The following TRIP11 variants were observed in gnomAD, a reference collection of about 807,000 sequenced individuals.
TRIP11 encodes the protein thyroid receptor-interacting protein 11.
A neutral mutation model predicts 223.1 loss-of-function variants in TRIP11; 148 were observed. That is an observed-to-expected ratio of 0.66 (90% CI 0.58 to 0.76). The LOEUF (loss-of-function observed/expected upper bound fraction) is 0.76, where lower values mean the gene tolerates loss of function less well. Ranked by LOEUF, TRIP11 falls within the 30% of genes least tolerant of loss-of-function variation. TRIP11 has a pLI of 0.00. For missense variants in TRIP11, 2,043 were observed against 2,222.0 expected (o/e 0.92, Z 1.62); for synonymous variants, 762 against 772.6 (o/e 0.99, Z 0.23).
chr14:91,999,474 T>C, intron 12 of TRIP11, 41 bp from the exon 13 acceptor site: 2 of 1,587,896 alleles, frequency 1.3e-6, no homozygotes, highest in Non-Finnish European at 1.7e-6. Flanking sequence ...AAATGCTCCC[T>C]TTCCACTGCT....
chr14:92,022,126 G>A (rs1453910562), intron 3 of TRIP11, among the ~76,000 whole-genome samples: 1 of 152,182 alleles, frequency 6.6e-6, no homozygotes, highest in Non-Finnish European at 1.5e-5. Flanking sequence ...TTCTCTGCAT[G>A]GAGTAGTATA....
At position 91,997,965 on chromosome 14, in the gene TRIP11, A is replaced by G. The variant is rs1566854823; in HGVS notation, c.4892+1275T>C. Among the ~76,000 whole-genome samples, 3 of 152,336 alleles carry G rather than the reference A, an allele frequency of 2.0e-5. No individual in the cohort carries two copies. The East Asian group carries it at 5.8e-4, about 29-fold the overall frequency. Reference sequence around the variant, plus strand: ...ACAGAATGTTACAGCATTTCTGCCAAACTGAAACATATAGCCAAATGATCA... The same window carrying G: ...ACAGAATGTTACAGCATTTCTGCCAGACTGAAACATATAGCCAAATGATCA... On this transcript the variant is annotated intron_variant, in intron 13 of 20. Transcript: ENST00000267622.
intron 11 of TRIP11, 105 bp from the exon 12 acceptor site, chr14:92,000,213 G>C: frequency 6.6e-7 from 1 of 1,523,696 alleles, no homozygotes; most frequent in Non-Finnish European, 8.9e-7. Context: ...TTTTAAATAG[G>C]GCAGCCTCCC....
intron 16 of TRIP11, among the ~76,000 whole-genome samples, chr14:91,981,096 A>C (rs112036849): frequency 0.03 from 4,101 of 137,756 alleles, 200 homozygotes; most frequent in African/African-American, 0.097. Context: ...GCTCACTGCA[A>C]CCTCCACCTC....
intron 1 of TRIP11, among the ~76,000 whole-genome samples, chr14:92,035,585 A>ATTTTT (rs550426136): frequency 6.9e-4 from 95 of 138,000 alleles, no homozygotes; most frequent in African/African-American, 2.3e-3. Context: ...TTATTTATTT[A>ATTTTT]TTTTTTTTTT....
At position 91,999,396 on chromosome 14, in the gene TRIP11, T is replaced by G; in HGVS notation, c.4736A>C (p.Gln1579Pro). The change falls in exon 13 of 21, where the codon CAA (glutamine) becomes CCA (proline). Residue 1579 changes from glutamine to proline, a missense_variant. By Grantham distance (76) the Gln-to-Pro change is moderately conservative. Coordinates refer to ENST00000267622, the MANE Select transcript of TRIP11 (RefSeq NM_004239.4). Reference sequence around the variant, plus strand: ...ATGATTACGCAATCTCTCTAGCTCTTGGTTTGAACGAAATTCTTTGTCACG... The same window carrying G: ...ATGATTACGCAATCTCTCTAGCTCTGGGTTTGAACGAAATTCTTTGTCACG... ...RLRDKEFRSNQELERLRNHLL... is the reference protein window; with the variant it reads ...RLRDKEFRSNPELERLRNHLL... The G allele has an allele frequency of 6.2e-7, 1 of 1,613,880 alleles. No homozygotes were observed. Among genetic ancestry groups the G allele is most frequent in the Non-Finnish European group, 8.5e-7 (1 of 1,179,900 alleles).
At chr14:91,995,583 C>T (rs2056740250) in intron 13 of TRIP11, 68 bp from the exon 14 acceptor site, 1 of 1,499,594 alleles carries the variant, frequency 6.7e-7, no homozygotes, top group Non-Finnish European at 9.3e-7. Context: ...AAGAAGCCAC[C>T]TTCCCTACAT....
At chr14:92,025,170 A>T in intron 3 of TRIP11, 140 bp downstream of exon 3, 1 of 689,924 alleles carries the variant, frequency 1.4e-6, no homozygotes, top group South Asian at 1.8e-5. Flanking sequence ...GGGATATCAA[A>T]CTGAGTCGAA....
rs200611568 is a variant in TRIP11, at chr14:92,005,727, C to T, written c.2249G>A (p.Arg750His). Residue 750 changes from arginine (R) to histidine (H), a missense_variant, in exon 11 of 21, where the codon CGT (arginine) becomes CAT (histidine). Arg to His is a conservative substitution (Grantham distance 29). Transcript: ENST00000267622. The stretch of plus-strand genomic sequence containing the variant: ...CTGTAAGGCAGAGGTATTCAAATTA[C>T]GTGCATTTGACAGTTCTTCAATGGT... ...EKTIEELSNA[R>H]NLNTSALQLE... The T allele has an allele frequency of 3.1e-5, 50 of 1,613,848 alleles. No homozygotes were observed. Among genetic ancestry groups the T allele is most frequent in the South Asian group, 1.3e-4 (12 of 91,088 alleles).
At chr14:92,032,698 T>C (rs981320260) in intron 2 of TRIP11, among the ~76,000 whole-genome samples, 3 of 151,934 alleles carry the variant, frequency 2.0e-5, no homozygotes, top group African/African-American at 7.2e-5. Flanking sequence ...CTGGGTGTGG[T>C]AGCGTGCACC....
chr14:92,031,902 T>C (rs921749078), intron 2 of TRIP11, among the ~76,000 whole-genome samples: 8 of 152,062 alleles, frequency 5.3e-5, no homozygotes, highest in African/African-American at 1.9e-4. Flanking sequence ...AGCCTTGACT[T>C]CCTGGGCCCT....
At position 92,005,505 on chromosome 14, in the gene TRIP11, CTTCT is replaced by C. The variant is rs764561670; in HGVS notation, c.2467_2470del (p.Arg823ValfsTer15). The stretch of plus-strand genomic sequence containing the variant: ...ATCCAATTCCTCCTGCAGCTTTGAA[CTTCT>C]TTCTTTAAGCTTTTCAATAAAAATT... On this transcript the variant is annotated frameshift_variant, in exon 11 of 21. Coordinates refer to ENST00000267622, the MANE Select transcript of TRIP11 (RefSeq NM_004239.4). LOFTEE classifies it high-confidence loss of function. The C allele has an allele frequency of 1.9e-5, 31 of 1,613,466 alleles. No individual in the cohort carries two copies. Among genetic ancestry groups the C allele is most frequent in the Middle Eastern group, 1.7e-4 (1 of 6,058 alleles).
intron 2 of TRIP11, among the ~76,000 whole-genome samples, chr14:92,030,087 C>T (rs1362100804): frequency 2.0e-5 from 3 of 150,176 alleles, no homozygotes; most frequent in Admixed American, 6.7e-5. Flanking sequence ...GTCCCAGCTA[C>T]TTGGGAGGCT....
At chr14:92,002,111 A>C (rs1174229638) in intron 11 of TRIP11, among the ~76,000 whole-genome samples, 3 of 152,192 alleles carry the variant, frequency 2.0e-5, no homozygotes, top group African/African-American at 7.2e-5. Context: ...TACTAAAAGC[A>C]TAGAAATCAC....
In TRIP11 at chr14:92,004,493, A is replaced by T. The variant is rs765107078; in HGVS notation, c.3483T>A (p.Asn1161Lys). 2 of 1,613,408 alleles carry T rather than the reference A, an allele frequency of 1.2e-6. No individual in the cohort carries two copies. The highest frequency in any genetic ancestry group is 1.7e-6 in the Non-Finnish European group (2 of 1,180,030). ...CTTTTTCTCGAATGATACGTGATAA[A>T]TTCTGAATAGTTTCTCTAAACATAT... ...GQDMFRETIQ[N>K]LSRIIREKDI... Residue 1161 changes from asparagine (N) to lysine (K), a missense_variant, in exon 11 of 21, where the codon AAT becomes AAA. Asn to Lys is a moderately conservative substitution (Grantham distance 94). Coordinates refer to ENST00000267622, the MANE Select transcript of TRIP11 (RefSeq NM_004239.4).
At chr14:91,974,123 C>T (rs753682208) in intron 19 of TRIP11, among the ~76,000 whole-genome samples, 16 of 152,232 alleles carry the variant, frequency 1.1e-4, no homozygotes, top group Non-Finnish European at 1.9e-4. Context: ...GAGCCTACAA[C>T]ATACCAGGCA....
chr14:92,025,296 GT>G lies in TRIP11; in HGVS notation c.312+13del, dbSNP rs1343512970. 1 of 1,583,044 alleles carries G rather than the reference GT, an allele frequency of 6.3e-7. No individual in the cohort carries two copies. Among genetic ancestry groups the G allele is most frequent in the Admixed American group, 1.7e-5 (1 of 59,906 alleles). ...ACAGTGAAGTACATATGAAGTAACTGTGATAACATTTACCTCTTTTTGTTGA... is the reference window on the plus strand; with the variant it reads ...ACAGTGAAGTACATATGAAGTAACTGGATAACATTTACCTCTTTTTGTTGA... On this transcript the variant is annotated intron_variant, in intron 3 of 20. Transcript: ENST00000267622.
chr14:92,010,863 A>C (rs2056963431), intron 9 of TRIP11, 123 bp downstream of exon 9: 1 of 928,626 alleles, frequency 1.1e-6, no homozygotes, highest in African/African-American at 1.6e-5. Context: ...CATCAGTGAG[A>C]TCAGCTTTAT....
At chr14:92,014,167 A>G (rs4530066) in intron 7 of TRIP11, 48 bp downstream of exon 7, 3 of 1,612,006 alleles carry the variant, frequency 1.9e-6, no homozygotes, top group Admixed American at 1.7e-5. Context: ...AAAAACAACT[A>G]CTATGCAATG....
Sources: allele counts gnomAD v4.1 joint callset (sites outside exome capture counted in the v4.1 genomes callset), GRCh38; gene constraint gnomAD v4.1.1; transcripts MANE v1.5; gene names NCBI Gene and HGNC (gene_info 2026-07-23, HGNC 2026-07-21).